Variants in GRIN2D observed in about 807,000 individuals in gnomAD.
GRIN2D encodes the protein glutamate receptor ionotropic, NMDA 2D.
In GRIN2D, 37 loss-of-function variants were observed where a neutral mutation model predicts 103.2. The ratio of observed to expected loss-of-function variants is 0.36; its 90% CI spans 0.28 to 0.47. The LOEUF (loss-of-function observed/expected upper bound fraction) is 0.47. GRIN2D is among the 20% of genes least tolerant of loss of function. The pLI is 1.00. For missense variants in GRIN2D, 1,557 were observed against 1,910.6 expected (o/e 0.81, Z 3.45); for synonymous variants, 845 against 885.6 (o/e 0.95, Z 0.81).
Position 48,442,430 on chromosome 19 carries a change from G to A in GRIN2D, c.2673+48G>A, listed in dbSNP as rs8104058. On this transcript the variant is annotated intron_variant, in intron 13 of 13. Coordinates refer to ENST00000263269, the MANE Select transcript of GRIN2D (RefSeq NM_000836.4). This position sits in a 1 kb window ranked among gnomAD's most constrained non-coding sequence, Gnocchi z 7.2. Reference sequence around the variant, plus strand: ...GAGAGGGGGAGATGGCAGGGGCGGGGACAAAGGTAAAGCCGAGCAGAGACA... The same window carrying A: ...GAGAGGGGGAGATGGCAGGGGCGGGAACAAAGGTAAAGCCGAGCAGAGACA... 1.3e-3 allele frequency: 2,034 copies of A among 1,574,952 alleles called. 23 individuals are homozygous for A. In the African/African-American group the frequency reaches 0.024, roughly 19 times the overall value.
At chr19:48,419,399 G>T in intron 9 of GRIN2D, 40 bp downstream of exon 9, 1 of 1,577,984 alleles carries the variant, frequency 6.3e-7, no homozygotes, top group Non-Finnish European at 8.6e-7. Flanking sequence ...CGGAGATCCC[G>T]AACCACAGAG....
chr19:48,410,722 A>G (rs1376920243), intron 4 of GRIN2D, among the ~76,000 whole-genome samples: 1 of 151,850 alleles, frequency 6.6e-6, no homozygotes, highest in Non-Finnish European at 1.5e-5. Context: ...AGACTGGAGT[A>G]GAGAGATTGG....
At chr19:48,416,885 C>G (rs922073628) in intron 8 of GRIN2D, among the ~76,000 whole-genome samples, 5 of 152,008 alleles carry the variant, frequency 3.3e-5, no homozygotes, top group Non-Finnish European at 7.3e-5. Context: ...ACTGGGATCA[C>G]AGGCATGCAC....
rs372539211 is a variant in GRIN2D at position 48,441,278 on chromosome 19, G to A, written c.2253-491G>A. On this transcript the variant is annotated intron_variant, in intron 11 of 13. Coordinates refer to ENST00000263269, the MANE Select transcript of GRIN2D (RefSeq NM_000836.4). ...CTTGGGAGGCTGAGGCAGGAGAATC[G>A]CTTGAACCCAGGAGTCGGATCTTGC... Among the ~76,000 whole-genome samples the A allele has an allele frequency of 5.4e-5, 8 of 148,922 alleles. No individual in the cohort carries two copies. The South Asian group carries it at 1.7e-3, about 31-fold the overall frequency.
intron 3 of GRIN2D, 98 bp from the exon 4 acceptor site, chr19:48,404,636 G>C (rs1336050650): frequency 8.1e-7 from 1 of 1,232,112 alleles, no homozygotes; most frequent in African/African-American, 1.5e-5. Flanking sequence ...AACCTGTCGA[G>C]TCAGTCTGCC....
At chr19:48,415,932 C>T in intron 7 of GRIN2D, 70 bp from the exon 8 acceptor site, 2 of 1,434,636 alleles carry the variant, frequency 1.4e-6, no homozygotes, top group African/African-American at 1.4e-5. Context: ...CCCGTCTCTG[C>T]TCGCCGTCCG....
chr19:48,416,204 T>TC (rs747820484), intron 8 of GRIN2D, 49 bp downstream of exon 8: 2 of 1,561,780 alleles, frequency 1.3e-6, no homozygotes, highest in Non-Finnish European at 1.8e-6. Context: ...AAAGTAGCCG[T>TC]CCCCAACCGT....
Position 48,421,966 on chromosome 19 carries a change from G to C in GRIN2D, c.2252+21G>C. 1.9e-6 allele frequency: 3 copies of C among 1,610,626 alleles called. No homozygotes were observed. Among genetic ancestry groups the C allele is most frequent in the Non-Finnish European group, 2.5e-6 (3 of 1,177,892 alleles). On this transcript the variant is annotated intron_variant, in intron 11 of 13. Transcript: ENST00000263269. This position sits in a 1 kb window ranked among gnomAD's most constrained non-coding sequence, Gnocchi z 4.8. ...GCAGGGTCAGCGCAGACTCGGGCCG[G>C]GGGTGGGGGTTGGGCCGCTGGGGAC...
chr19:48,394,172 C>A lies in GRIN2D; in HGVS notation c.-306+304C>A, dbSNP rs943706243. On this transcript the variant is annotated intron_variant, in intron 1 of 13. Transcript: ENST00000263269. This position sits in a 1 kb window ranked among gnomAD's most constrained non-coding sequence, Gnocchi z 5.1. Reference sequence around the variant, plus strand: ...CAGTGGCAGCCTGGCCCCCATTAGACCCCCCACTCTGTGTGTGTGTGTCTG... The same window carrying A: ...CAGTGGCAGCCTGGCCCCCATTAGAACCCCCACTCTGTGTGTGTGTGTCTG... Among the ~76,000 whole-genome samples, 3 of 151,956 alleles carry A rather than the reference C, an allele frequency of 2.0e-5. No homozygotes were observed. The highest frequency in any genetic ancestry group is 4.4e-5 in the Non-Finnish European group (3 of 67,974).
At chr19:48,418,033 CT>C (rs1362608820) in intron 8 of GRIN2D, among the ~76,000 whole-genome samples, 7,833 of 130,092 alleles carry the variant, frequency 0.06, 440 homozygotes, top group African/African-American at 0.16. Context: ...CCTGCGAGTT[CT>C]TTTTTTTTTT....
chr19:48,441,076 C>T (rs1027846597), intron 11 of GRIN2D, among the ~76,000 whole-genome samples: 1 of 152,034 alleles, frequency 6.6e-6, no homozygotes, highest in Non-Finnish European at 1.5e-5. Flanking sequence ...CATTAACAGT[C>T]ACAGCTGGCC....
At chr19:48,440,119 G>A (rs1971274156) in intron 11 of GRIN2D, among the ~76,000 whole-genome samples, 1 of 152,156 alleles carries the variant, frequency 6.6e-6, no homozygotes, top group African/African-American at 2.4e-5. Context: ...GCTGAGGCAG[G>A]AGAATCCCTT....
chr19:48,432,697 G>A lies in GRIN2D; in HGVS notation c.2253-9072G>A, dbSNP rs113050924. ...TGCTCTTGAACTCCTAGGATCAAGC[G>A]ATCCTACCACCTTGGCCTCCAAAAG... On this transcript the variant is annotated intron_variant, in intron 11 of 13. Coordinates refer to ENST00000263269, the MANE Select transcript of GRIN2D (RefSeq NM_000836.4). 4.1e-3 allele frequency among the ~76,000 whole-genome samples: 622 copies of A among 151,788 alleles called. 4 individuals are homozygous for A. The highest frequency in any genetic ancestry group is 0.014 in the African/African-American group (590 of 41,420).
At position 48,441,933 on chromosome 19, in the gene GRIN2D, C is replaced by T; in HGVS notation, c.2417C>T (p.Ala806Val). 2 of 1,608,510 alleles carry T rather than the reference C, an allele frequency of 1.2e-6. No individual in the cohort carries two copies. Among genetic ancestry groups the T allele is most frequent in the Non-Finnish European group, 1.7e-6 (2 of 1,178,396 alleles). Residue 806 changes from alanine (A) to valine (V), a missense_variant, in exon 12 of 14, where the codon GCG becomes GTG. Ala to Val is a moderately conservative substitution (Grantham distance 64, BLOSUM62 0). This residue lies in a region of GRIN2D where 138 missense variants were observed against 270.2 expected (regional missense o/e 0.51). Transcript: ENST00000263269. ...CGCTGGAAGCGGCCCATCGACCTGG[C>T]GTTGCTGCAGTTCCTGGGGGATGGT... Reference protein sequence around the residue: ...GSRWKRPIDLALLQFLGDDEI... With the variant: ...GSRWKRPIDLVLLQFLGDDEI...
At position 48,442,257 on chromosome 19, in the gene GRIN2D, T is replaced by C; in HGVS notation, c.2548T>C (p.Tyr850His). 1.2e-6 allele frequency: 2 copies of C among 1,614,164 alleles called. No individual in the cohort carries two copies. The highest frequency in any genetic ancestry group is 2.2e-5 in the South Asian group (2 of 91,088). The change falls in exon 13 of 14, where the codon TAC becomes CAC. Residue 850 changes from tyrosine (Y) to histidine (H), a missense_variant. This residue lies in a region of GRIN2D where 138 missense variants were observed against 270.2 expected (regional missense o/e 0.51). Coordinates refer to ENST00000263269, the MANE Select transcript of GRIN2D (RefSeq NM_000836.4). The surrounding 1 kb of genome is among the most constrained non-coding windows in gnomAD (Gnocchi z 7.2). ...CATCGACAACATGGCGGGCGTCTTC[T>C]ACATGCTCCTGGTGGCCATGGGCCT... ...LDIDNMAGVF[Y>H]MLLVAMGLSL...
Position 48,405,195 on chromosome 19 carries a change from G to T in GRIN2D, c.927G>T (p.Ser309=). The T allele has an allele frequency of 6.2e-7, 1 of 1,602,366 alleles. No homozygotes were observed. The highest frequency in any genetic ancestry group is 8.5e-7 in the Non-Finnish European group (1 of 1,177,538). The change falls in exon 4 of 14, where the codon TCG becomes TCT. Residue 309 remains serine, a synonymous_variant. Coordinates refer to ENST00000263269, the MANE Select transcript of GRIN2D (RefSeq NM_000836.4). The surrounding 1 kb of genome is among the most constrained non-coding windows in gnomAD (Gnocchi z 5.1). ...PLPAGLFAVR[S]AGWRDDLARR... ...CTGCCGGGCTGTTTGCAGTGCGCTCGGCTGGCTGGCGGGATGACCTGGCTC... is the reference window on the plus strand; with the variant it reads ...CTGCCGGGCTGTTTGCAGTGCGCTCTGCTGGCTGGCGGGATGACCTGGCTC...
At chr19:48,422,782 A>G (rs376545983) in intron 11 of GRIN2D, among the ~76,000 whole-genome samples, 41 of 152,180 alleles carry the variant, frequency 2.7e-4, no homozygotes, top group African/African-American at 9.2e-4. Flanking sequence ...TCCCTTTCCC[A>G]AATCATAGGG....
At chr19:48,437,095 G>A (rs1188856007) in intron 11 of GRIN2D, among the ~76,000 whole-genome samples, 1 of 152,134 alleles carries the variant, frequency 6.6e-6, no homozygotes, top group Non-Finnish European at 1.5e-5. Flanking sequence ...AACAAAGGCT[G>A]TAGGAAATGG....
At position 48,443,686 on chromosome 19, in the gene GRIN2D, C is replaced by T. The variant is rs1971339242; in HGVS notation, c.3760C>T (p.Arg1254Trp). The change falls in exon 14 of 14, where the codon CGG becomes TGG. Residue 1254 changes from arginine (R) to tryptophan (W), a missense_variant. Arg to Trp is a moderately radical substitution (Grantham distance 101). This residue lies in a region of GRIN2D where 632 missense variants were observed against 572.8 expected (regional missense o/e 1.10). Transcript: ENST00000263269. The surrounding 1 kb of genome is among the most constrained non-coding windows in gnomAD (Gnocchi z 8.9). ...AAAAPHHHRHRRAAGGWDLPP... is the reference protein window; with the variant it reads ...AAAAPHHHRHWRAAGGWDLPP... ...CGCCGCGCCCCACCACCACAGGCACCGGCGCGCCGCTGGGGGCTGGGACCT... is the reference window on the plus strand; with the variant it reads ...CGCCGCGCCCCACCACCACAGGCACTGGCGCGCCGCTGGGGGCTGGGACCT... The T allele has an allele frequency of 8.2e-7, 1 of 1,226,680 alleles. No homozygotes were observed. The allele number at this position is 1,226,680 out of a possible 1,614,324, so 76.0% of individuals were successfully genotyped here. A position where few individuals can be genotyped will look rare whatever the true frequency, so the allele number is the denominator to read the frequency against.
Sources: gnomAD v4.1 joint callset for allele counts (sites outside exome capture counted in the v4.1 genomes callset) on GRCh38, gnomAD v4.1.1 for gene constraint, gnomAD v4.1.1 regional missense constraint, Gnocchi (gnomAD v3.1) non-coding constraint, MANE v1.5 for transcripts, NCBI Gene and HGNC (gene_info 2026-07-23, HGNC 2026-07-21) for gene names.